The following SNX6 variants were observed in gnomAD, a reference collection of about 807,000 sequenced individuals.
SNX6 encodes the protein sorting nexin 6.
SNX6 carries 34 observed loss-of-function variants against 63.0 expected under a neutral mutation model. That is an observed-to-expected ratio of 0.54 (90% CI 0.41 to 0.72). The LOEUF (loss-of-function observed/expected upper bound fraction) is 0.72, where lower values mean the gene tolerates loss of function less well. Among genes scored for constraint, SNX6 ranks in the 30% least tolerant of loss-of-function variants. The pLI, the probability that SNX6 is intolerant of heterozygous loss-of-function variation, is 0.00. For synonymous variants in SNX6, 170 were observed against 164.2 expected (o/e 1.04, Z -0.27); for missense variants, 398 against 471.4 (o/e 0.84, Z 1.44).
intron 2 of SNX6, among the ~76,000 whole-genome samples, chr14:34,623,793 A>G (rs1398632458): frequency 6.6e-6 from 1 of 152,234 alleles, no homozygotes; most frequent in Non-Finnish European, 1.5e-5. Context: ...CGAGTACAGG[A>G]GAACAAGTAG....
chr14:34,593,404 C>CT lies in SNX6; in HGVS notation c.613-255dup, dbSNP rs556910452. On this transcript the variant is annotated intron_variant, in intron 7 of 13. Coordinates refer to ENST00000362031, the MANE Select transcript of SNX6 (RefSeq NM_152233.4). ...TAGGTCCAAGTTCACGTGCTGTACT[C>CT]TTTTTTTTTTTTTGAGATGGAGTCT... Among the ~76,000 whole-genome samples the CT allele has an allele frequency of 8.9e-3, 1,283 of 143,488 alleles. 49 individuals carry two copies. Among genetic ancestry groups the CT allele is most frequent in the East Asian group, 0.078 (389 of 4,958 alleles). The allele number at this position is 143,488 out of a possible 152,430, so 94.1% of individuals were successfully genotyped here.
In SNX6 at chr14:34,590,051, A is replaced by G. The variant is rs116874686; in HGVS notation, c.718+2994T>C. ...GGAAGGATCGATTGAGGATGCAGTG[A>G]GCCATGTTTGCACCAATACACTCAT... On this transcript the variant is annotated intron_variant, in intron 8 of 13. Transcript: ENST00000362031. 5.8e-4 allele frequency among the ~76,000 whole-genome samples: 89 copies of G among 152,208 alleles called. No homozygotes were observed. In the East Asian group the frequency reaches 0.017, roughly 29 times the overall value.
At chr14:34,614,881 G>A (rs796673244) in intron 2 of SNX6, among the ~76,000 whole-genome samples, 6 of 152,230 alleles carry the variant, frequency 3.9e-5, no homozygotes, top group South Asian at 2.1e-4. Context: ...CTCCAGTCTC[G>A]TAAGACCCTA....
intron 13 of SNX6, among the ~76,000 whole-genome samples, chr14:34,564,441 G>A (rs1182405346): frequency 6.6e-6 from 1 of 152,146 alleles, no homozygotes; most frequent in Non-Finnish European, 1.5e-5. Context: ...TGTCCTCTGG[G>A]GGGCAGAATC....
At position 34,629,928 on chromosome 14, in the gene SNX6, G is replaced by A. The variant is rs892448283; in HGVS notation, c.33C>T (p.Phe11=). 25 of 1,553,506 alleles carry A rather than the reference G, an allele frequency of 1.6e-5. No homozygotes were observed. Among genetic ancestry groups the A allele is most frequent in the Non-Finnish European group, 2.1e-5 (24 of 1,150,874 alleles). The change falls in exon 2 of 14, where the codon TTC becomes TTT. Residue 11 remains phenylalanine (F), a synonymous_variant. Coordinates refer to ENST00000362031, the MANE Select transcript of SNX6 (RefSeq NM_152233.4). ...TTACTCCGCGGTCCTCTTCTGAGAG[G>A]AAGTCCGGGCCGTCGTCCAGGCCTT... The part of the protein sequence containing the change: MMEGLDDGPD[F]LSEEDRGLKA...
chr14:34,575,262 G>A (rs1169103164), intron 11 of SNX6, among the ~76,000 whole-genome samples: 18 of 146,234 alleles, frequency 1.2e-4, no homozygotes, highest in South Asian at 2.1e-4. Flanking sequence ...GCAATGGCAC[G>A]CGATCTCAGC....
chr14:34,563,275 G>A (rs1881010848), intron 13 of SNX6, 100 bp from the exon 14 acceptor site: 1 of 1,193,798 alleles, frequency 8.4e-7, no homozygotes. Context: ...TATAGTGTTA[G>A]AAGCCGGGCG....
At chr14:34,616,944 G>A (rs1046910963) in intron 2 of SNX6, among the ~76,000 whole-genome samples, 6 of 152,010 alleles carry the variant, frequency 3.9e-5, no homozygotes, top group Non-Finnish European at 5.9e-5. Context: ...TTAGCTGGGC[G>A]TGGTGTGGGC....
intron 2 of SNX6, among the ~76,000 whole-genome samples, chr14:34,612,847 C>T (rs964264895): frequency 3.3e-5 from 5 of 151,686 alleles, no homozygotes; most frequent in African/African-American, 4.8e-5. Flanking sequence ...GTCAGGAGTT[C>T]GAGACCAGCC....
intron 13 of SNX6, among the ~76,000 whole-genome samples, chr14:34,564,720 G>A (rs10047864): frequency 2.0e-5 from 3 of 151,526 alleles, no homozygotes; most frequent in Non-Finnish European, 2.9e-5. Context: ...CCAGCTATTC[G>A]AGAGGCTGAG....
intron 2 of SNX6, among the ~76,000 whole-genome samples, chr14:34,620,530 C>T (rs1883582679): frequency 1.3e-5 from 2 of 152,110 alleles, no homozygotes; most frequent in Admixed American, 1.3e-4. Context: ...AATTTCCAAA[C>T]CAATGATATT....
chr14:34,592,673 C>T (rs1209869450), intron 8 of SNX6, among the ~76,000 whole-genome samples: 3 of 152,192 alleles, frequency 2.0e-5, no homozygotes, highest in Non-Finnish European at 4.4e-5. Context: ...AAGGCATCCT[C>T]CCACCTTAGC....
At chr14:34,568,729 C>A in intron 11 of SNX6, 1 of 872,052 alleles carries the variant, frequency 1.1e-6, no homozygotes, top group South Asian at 1.3e-5. Context: ...TCCAGCGATT[C>A]TGTCCAGATC....
chr14:34,568,364 G>A (rs1881285942), intron 11 of SNX6, among the ~76,000 whole-genome samples: 2 of 151,790 alleles, frequency 1.3e-5, no homozygotes, highest in African/African-American at 4.8e-5. Flanking sequence ...CCGAGTAGCT[G>A]AGACTACAGG....
intron 10 of SNX6, among the ~76,000 whole-genome samples, chr14:34,576,115 C>T (rs898416034): frequency 9.2e-5 from 14 of 151,642 alleles, no homozygotes; most frequent in African/African-American, 3.1e-4. Flanking sequence ...TTAGTAGAGA[C>T]GGGGTTTCAC....
chr14:34,564,599 A>G (rs1383810487), intron 13 of SNX6, among the ~76,000 whole-genome samples: 2 of 152,000 alleles, frequency 1.3e-5, no homozygotes, highest in African/African-American at 4.8e-5. Context: ...AAGCCGAGGT[A>G]GGCGGATCAC....
chr14:34,573,564 G>C (rs140666871), intron 11 of SNX6, among the ~76,000 whole-genome samples: 3,175 of 151,400 alleles, frequency 0.021, 107 homozygotes, highest in African/African-American at 0.069. Context: ...AACAGGGCGA[G>C]ACTCTGCCTT....
At chr14:34,628,977 G>T (rs1182163769) in intron 2 of SNX6, among the ~76,000 whole-genome samples, 1 of 152,042 alleles carries the variant, frequency 6.6e-6, no homozygotes, top group Non-Finnish European at 1.5e-5. Context: ...AGCCCGGAAG[G>T]CTCTTTCTGA....
chr14:34,567,303 A>G (rs1218110398), intron 13 of SNX6, among the ~76,000 whole-genome samples: 3 of 151,756 alleles, frequency 2.0e-5, no homozygotes, highest in Non-Finnish European at 4.4e-5. Context: ...CCTGACCAAC[A>G]TGGTGAAACC....
Sources: allele counts gnomAD v4.1 joint callset (sites outside exome capture counted in the v4.1 genomes callset), GRCh38; gene constraint gnomAD v4.1.1; transcripts MANE v1.5; gene names NCBI Gene and HGNC (gene_info 2026-07-23, HGNC 2026-07-21).